Variants in VCL observed in about 807,000 individuals in gnomAD.
VCL encodes vinculin, also known as epididymis luminal protein 114.
VCL carries 47 observed loss-of-function variants against 125.7 expected under a neutral mutation model. The observed-to-expected ratio is 0.37, with a 90% confidence interval of 0.30 to 0.48. The LOEUF (loss-of-function observed/expected upper bound fraction) is 0.48, where lower values mean the gene tolerates loss of function less well. Ranked by LOEUF, VCL falls within the 20% of genes least tolerant of loss-of-function variation. The pLI is 0.99. For missense variants in VCL, 1,069 were observed against 1,455.5 expected, an observed-to-expected ratio of 0.73 and a Z score of 4.32; for synonymous variants, 458 against 514.6, an observed-to-expected ratio of 0.89 and a Z score of 1.49.
In VCL at chr10:74,111,909, C is replaced by G. The variant is rs776188207; in HGVS notation, c.2746C>G (p.Pro916Ala). 1 of 1,614,132 alleles carries G rather than the reference C, an allele frequency of 6.2e-7. No homozygotes were observed. The highest frequency in any genetic ancestry group is 1.3e-5 in the African/African-American group (1 of 74,950). ...CTCATCCTTCCCGCCATCGACAAAG[C>G]CGGGCATCCCAGCCGCTGAGGTGGG... is the stretch of plus-strand genomic sequence containing the variant. ...HDEARKWSSK[P>A]GIPAAEVGIG... The change falls in exon 19 of 22, where the codon CCG becomes GCG. Residue 916 changes from proline to alanine, a missense_variant and splice_region_variant. Transcript: ENST00000211998.
chr10:74,098,197 G>A lies in VCL; in HGVS notation c.1872+865G>A, dbSNP rs115912021. ...TTCTAATCTTGGGGCCTTTGCACTC[G>A]TTTGTTCCAGTCTTCTCCAGATAAC... On this transcript the variant is annotated intron_variant, in intron 13 of 21. Transcript: ENST00000211998. 4.7e-3 allele frequency among the ~76,000 whole-genome samples: 722 copies of A among 152,112 alleles called. 3 individuals carry two copies. The highest frequency in any genetic ancestry group is 0.016 in the African/African-American group (678 of 41,464).
Position 74,074,884 on chromosome 10 carries a change from A to C in VCL, c.764A>C (p.Glu255Ala). ...GTGTTACAACTCACCTCTTGGGATGAAGATGCCTGGGCCAGCAAGGTACGT... is the reference window on the plus strand; with the variant it reads ...GTGTTACAACTCACCTCTTGGGATGCAGATGCCTGGGCCAGCAAGGTACGT... ...IRVLQLTSWDEDAWASKDTEA... is the reference protein window; with the variant it reads ...IRVLQLTSWDADAWASKDTEA... Residue 255 changes from glutamate (E) to alanine (A), a missense_variant, in exon 6 of 22, where the codon GAA (glutamate) becomes GCA (alanine). Around this residue, in one of 6 missense-constraint regions of VCL, gnomAD observed 760 missense variants for 928.9 expected, o/e 0.82. Coordinates refer to ENST00000211998, the MANE Select transcript of VCL (RefSeq NM_014000.3). 6.2e-7 allele frequency: 1 copy of C among 1,614,166 alleles called. No individual in the cohort carries two copies. Among genetic ancestry groups the C allele is most frequent in the African/African-American group, 1.3e-5 (1 of 75,048 alleles).
At chr10:74,090,626 C>T (rs910653248) in intron 10 of VCL, among the ~76,000 whole-genome samples, 6 of 152,024 alleles carry the variant, frequency 3.9e-5, no homozygotes, top group African/African-American at 1.5e-4. Flanking sequence ...ATGTACTTTC[C>T]TCCTTCCCCA....
At chr10:74,032,719 T>A (rs1163552210) in intron 1 of VCL, among the ~76,000 whole-genome samples, 3 of 149,218 alleles carry the variant, frequency 2.0e-5, no homozygotes, top group Admixed American at 1.3e-4. Flanking sequence ...AATATATATA[T>A]ATATATATAT....
intron 6 of VCL, among the ~76,000 whole-genome samples, chr10:74,081,838 C>T (rs963180587): frequency 1.4e-4 from 21 of 152,122 alleles, no homozygotes; most frequent in African/African-American, 4.8e-4. Context: ...GGAGGAATAG[C>T]AGGGAAGGTC....
chr10:74,085,686 C>T (rs748081001), intron 8 of VCL, among the ~76,000 whole-genome samples: 6 of 151,840 alleles, frequency 4.0e-5, no homozygotes, highest in South Asian at 2.1e-4. Flanking sequence ...ATGGACATTA[C>T]GAAAACTTGG....
At chr10:74,103,995 G>T in intron 15 of VCL, 67 bp downstream of exon 15, 1 of 1,462,724 alleles carries the variant, frequency 6.8e-7, no homozygotes, top group Non-Finnish European at 9.5e-7. Context: ...ATTGGAGCGG[G>T]ACTGGTTCTG....
chr10:74,098,526 A>G (rs1840005073), intron 13 of VCL, among the ~76,000 whole-genome samples: 1 of 152,218 alleles, frequency 6.6e-6, no homozygotes, highest in Non-Finnish European at 1.5e-5. Flanking sequence ...GTGAAAATAG[A>G]GGCTTTCTTA....
chr10:74,060,498 C>CA (rs1347668591), intron 2 of VCL, among the ~76,000 whole-genome samples: 7 of 150,016 alleles, frequency 4.7e-5, no homozygotes, highest in African/African-American at 1.7e-4. Context: ...ACGCAAAATA[C>CA]AAAAAAAATT....
At chr10:74,001,675 G>A (rs1240508238) in intron 1 of VCL, among the ~76,000 whole-genome samples, 1 of 152,112 alleles carries the variant, frequency 6.6e-6, no homozygotes, top group Non-Finnish European at 1.5e-5. Flanking sequence ...AGAAATAATA[G>A]AACTGGATAA....
In VCL at chr10:74,109,779, C is replaced by T. The variant is rs540052381; in HGVS notation, c.2745+623C>T. On this transcript the variant is annotated intron_variant, in intron 18 of 21. Coordinates refer to ENST00000211998, the MANE Select transcript of VCL (RefSeq NM_014000.3). ...CCTATGAATAACTTTTGCCTATTTT[C>T]CCCTAAATGATGAAAAGTGAGCAGT... 2.3e-3 allele frequency among the ~76,000 whole-genome samples: 344 copies of T among 152,212 alleles called. 15 individuals are homozygous for T. Among genetic ancestry groups the T allele is most frequent in the Non-Finnish European group, 1.5e-3 (100 of 68,024 alleles).
chr10:74,073,398 T>G (rs1457390292), intron 5 of VCL, among the ~76,000 whole-genome samples: 1 of 152,234 alleles, frequency 6.6e-6, no homozygotes, highest in Non-Finnish European at 1.5e-5. Flanking sequence ...TGAAATTGCC[T>G]TTCTGTGGCC....
intron 6 of VCL, 119 bp downstream of exon 6, chr10:74,075,022 T>C (rs1330820856): frequency 6.3e-6 from 8 of 1,272,048 alleles, no homozygotes; most frequent in East Asian, 4.8e-5. Flanking sequence ...TACTCAGATA[T>C]TGTGAAAGTA....
chr10:74,115,912 G>A (rs1327214927), intron 21 of VCL, among the ~76,000 whole-genome samples: 2 of 152,104 alleles, frequency 1.3e-5, no homozygotes, highest in Non-Finnish European at 2.9e-5. Flanking sequence ...ACCCTCATTT[G>A]AGCACCCCTT....
chr10:74,094,590 C>A, intron 11 of VCL, 129 bp downstream of exon 11: 1 of 1,174,806 alleles, frequency 8.5e-7, no homozygotes, highest in Non-Finnish European at 1.2e-6. Context: ...AACTGTGATT[C>A]CATTTCCAAA....
At chr10:74,046,096 G>GT in intron 2 of VCL, among the ~76,000 whole-genome samples, 1 of 152,294 alleles carries the variant, frequency 6.6e-6, no homozygotes, top group East Asian at 1.9e-4. Context: ...GTGTCAGGAA[G>GT]TAAGGTGCTA....
At chr10:74,007,297 G>A (rs1840337597) in intron 1 of VCL, among the ~76,000 whole-genome samples, 1 of 152,128 alleles carries the variant, frequency 6.6e-6, no homozygotes, top group East Asian at 1.9e-4. Flanking sequence ...AACTTTAAGA[G>A]CCTTCTGACA....
chr10:74,119,068 T>G lies in VCL; in HGVS notation c.*899T>G, dbSNP rs1189929430. The G allele has an allele frequency of 6.5e-6, 1 of 152,696 alleles. No homozygotes were observed. Among genetic ancestry groups the G allele is most frequent in the Non-Finnish European group, 1.5e-5 (1 of 68,064 alleles). The allele number at this position is 152,696 out of a possible 1,614,324, so 9.5% of individuals were successfully genotyped here. ...TGCTTAGTCACTGCCTGCAGAGGTC[T>G]GTGCTGAGGCCTTATCATTCATTCT... is the stretch of plus-strand genomic sequence containing the variant. On this transcript the variant is annotated 3_prime_UTR_variant, in exon 22 of 22. Coordinates refer to ENST00000211998, the MANE Select transcript of VCL (RefSeq NM_014000.3).
chr10:74,017,644 C>T (rs1203412342), intron 1 of VCL, among the ~76,000 whole-genome samples: 1 of 151,364 alleles, frequency 6.6e-6, no homozygotes. Flanking sequence ...CCTCAACCTC[C>T]CAGGCTCAAG....
Sources: allele counts gnomAD v4.1 joint callset (sites outside exome capture counted in the v4.1 genomes callset), GRCh38; gene constraint gnomAD v4.1.1; regional missense constraint gnomAD v4.1.1; transcripts MANE v1.5; gene names NCBI Gene and HGNC (gene_info 2026-07-23, HGNC 2026-07-21).